Variants in MACROD2 observed in about 807,000 individuals in gnomAD.
MACROD2 encodes the protein mono-ADP ribosylhydrolase 2.
Under a neutral mutation model 70.4 loss-of-function variants are expected in MACROD2, and 36 were observed. The ratio of observed to expected loss-of-function variants is 0.51; its 90% CI spans 0.39 to 0.68. MACROD2 has a LOEUF of 0.68. Among genes scored for constraint, MACROD2 ranks in the 30% least tolerant of loss-of-function variants. The probability of loss-of-function intolerance (pLI) is 0.00; values close to 1 mark genes in which losing one functional copy is unlikely to be tolerated. For synonymous variants in MACROD2, 172 were observed against 178.8 expected (o/e 0.96, Z 0.30); for missense variants, 496 against 538.4 (o/e 0.92, Z 0.78).
intron 3 of MACROD2, among the ~76,000 whole-genome samples, chr20:14,256,600 TATTGG>T (rs1402843462): frequency 6.6e-6 from 1 of 152,138 alleles, no homozygotes; most frequent in Non-Finnish European, 1.5e-5. Context: ...AACTTGAGAT[TATTGG>T]AAGCTTGCCT....
chr20:14,915,233 G>A (rs1183405960), intron 5 of MACROD2, among the ~76,000 whole-genome samples: 1 of 152,180 alleles, frequency 6.6e-6, no homozygotes, highest in Non-Finnish European at 1.5e-5. Flanking sequence ...GCTCTTACGA[G>A]CGTGAGTAAA....
intron 3 of MACROD2, among the ~76,000 whole-genome samples, chr20:14,209,700 A>G (rs1482702021): frequency 6.6e-6 from 1 of 152,112 alleles, no homozygotes; most frequent in Non-Finnish European, 1.5e-5. Context: ...TACCCTAGGT[A>G]CTGTAGGGCA....
chr20:15,991,764 G>T (rs1264757487), intron 15 of MACROD2, among the ~76,000 whole-genome samples: 3 of 151,982 alleles, frequency 2.0e-5, no homozygotes, highest in African/African-American at 7.2e-5. Flanking sequence ...TTTACCATTT[G>T]TTTTCTTCTT....
rs117073636 is a variant in MACROD2 at position 15,028,773 on chromosome 20, A to G, written c.419-201167A>G. 6.4e-3 allele frequency among the ~76,000 whole-genome samples: 980 copies of G among 152,300 alleles called. 5 individuals carry two copies. Among genetic ancestry groups the G allele is most frequent in the Non-Finnish European group, 9.9e-3 (676 of 68,012 alleles). The stretch of plus-strand genomic sequence containing the variant: ...AAGGTGGACAGTCCAGTCAAAGACA[A>G]CAACTTACTGGATACATGGAGGTCA... On this transcript the variant is annotated intron_variant, in intron 5 of 17. Transcript: ENST00000684519.
At chr20:14,782,869 C>T (rs1393308439) in intron 5 of MACROD2, among the ~76,000 whole-genome samples, 1 of 152,074 alleles carries the variant, frequency 6.6e-6, no homozygotes, top group Non-Finnish European at 1.5e-5. Context: ...TCACTTTGTG[C>T]AAGCCACTAA....
At chr20:15,966,338 G>A (rs2066139324) in intron 12 of MACROD2, among the ~76,000 whole-genome samples, 1 of 152,114 alleles carries the variant, frequency 6.6e-6, no homozygotes, top group South Asian at 2.1e-4. Flanking sequence ...ATGACTTTTA[G>A]ATATCTTTGG....
chr20:15,394,931 T>C (rs539431549), intron 6 of MACROD2, among the ~76,000 whole-genome samples: 1 of 152,268 alleles, frequency 6.6e-6, no homozygotes, highest in Admixed American at 6.5e-5. Context: ...TCCAAGGACA[T>C]AGGGCTCAAG....
chr20:15,904,871 A>C (rs1338711872), intron 10 of MACROD2, among the ~76,000 whole-genome samples: 1 of 135,046 alleles, frequency 7.4e-6, no homozygotes, highest in African/African-American at 2.9e-5. Flanking sequence ...AAAGAGAGAG[A>C]CTCTGTCTCA....
intron 2 of MACROD2, among the ~76,000 whole-genome samples, chr20:14,063,284 T>C (rs2053711191): frequency 6.6e-6 from 1 of 152,230 alleles, no homozygotes; most frequent in Admixed American, 6.5e-5. Context: ...GATGGAAATT[T>C]ATTTCTTTAT....
intron 8 of MACROD2, among the ~76,000 whole-genome samples, chr20:15,684,231 T>A (rs1434863187): frequency 6.6e-6 from 1 of 152,210 alleles, no homozygotes; most frequent in Non-Finnish European, 1.5e-5. Context: ...ATCCTCATTG[T>A]GGCCATATGC....
intron 5 of MACROD2, among the ~76,000 whole-genome samples, chr20:14,858,073 C>T (rs1261070515): frequency 4.6e-5 from 7 of 152,018 alleles, no homozygotes; most frequent in East Asian, 1.9e-4. Context: ...CGCCTGCCTC[C>T]GCCCTCCAAA....
At chr20:15,445,456 A>G (rs188322441) in intron 7 of MACROD2, among the ~76,000 whole-genome samples, 49 of 152,310 alleles carry the variant, frequency 3.2e-4, no homozygotes, top group Non-Finnish European at 4.1e-4. Context: ...CAAGCTTTCC[A>G]TAAGAGAGAG....
chr20:15,360,978 G>A (rs1176755911), intron 6 of MACROD2, among the ~76,000 whole-genome samples: 3 of 150,188 alleles, frequency 2.0e-5, no homozygotes, highest in Non-Finnish European at 4.4e-5. Flanking sequence ...CATATATATG[G>A]TTTGCAAATA....
chr20:15,053,434 G>A (rs905670082), intron 5 of MACROD2, among the ~76,000 whole-genome samples: 2 of 152,016 alleles, frequency 1.3e-5, no homozygotes, highest in East Asian at 1.9e-4. Flanking sequence ...AATTTCTATC[G>A]TCCTTAAGAA....
chr20:15,019,771 T>G (rs1156334189), intron 5 of MACROD2, among the ~76,000 whole-genome samples: 1 of 152,138 alleles, frequency 6.6e-6, no homozygotes, highest in Non-Finnish European at 1.5e-5. Flanking sequence ...GACAAACACT[T>G]TCTGTAAAGG....
At chr20:15,538,858 G>A (rs1009538604) in intron 8 of MACROD2, among the ~76,000 whole-genome samples, 7 of 151,022 alleles carry the variant, frequency 4.6e-5, no homozygotes, top group Admixed American at 2.0e-4. Flanking sequence ...TTATTGGATA[G>A]CAATGGATTA....
intron 5 of MACROD2, among the ~76,000 whole-genome samples, chr20:15,071,071 T>G (rs6043082): frequency 0.14 from 21,734 of 152,158 alleles, 4,167 homozygotes; most frequent in African/African-American, 0.43. Flanking sequence ...TTTGGCTCTA[T>G]TTTGAATCTT....
intron 3 of MACROD2, among the ~76,000 whole-genome samples, chr20:14,363,815 TCAAAAAAAAAAA>T (rs1568577943): frequency 3.9e-5 from 1 of 25,554 alleles, no homozygotes; most frequent in African/African-American, 1.7e-4. Context: ...AGACTCTGTC[TCAAAAAAAAAAA>T]AAAAAAAAAA....
At chr20:14,607,986 CT>C (rs1982913227) in intron 4 of MACROD2, among the ~76,000 whole-genome samples, 3 of 152,088 alleles carry the variant, frequency 2.0e-5, no homozygotes, top group African/African-American at 7.2e-5. Flanking sequence ...GGTGTGGTGG[CT>C]CACACCTGTA....
Sources: allele counts gnomAD v4.1 joint callset (sites outside exome capture counted in the v4.1 genomes callset), GRCh38; gene constraint gnomAD v4.1.1; transcripts MANE v1.5; gene names NCBI Gene and HGNC (gene_info 2026-07-23, HGNC 2026-07-21).